SVOP: variants seen among roughly 807,000 people sequenced by gnomAD.
SVOP encodes the protein SV2 related protein, also known as synaptic vesicle 2-related protein.
In SVOP, 17 loss-of-function variants were observed where a neutral mutation model predicts 69.1. That is an observed-to-expected ratio of 0.25 (90% CI 0.17 to 0.37). SVOP has a LOEUF of 0.37. Ranked by LOEUF, SVOP falls within the 10% of genes least tolerant of loss-of-function variation. The pLI is 1.00. For synonymous variants in SVOP, 238 were observed against 238.6 expected (o/e 1.00, Z 0.02); for missense variants, 435 against 597.5 (o/e 0.73, Z 2.84).
At chr12:108,983,219 A>G (rs1341008814) in intron 2 of SVOP, among the ~76,000 whole-genome samples, 2 of 151,088 alleles carry the variant, frequency 1.3e-5, no homozygotes, top group African/African-American at 4.9e-5. Flanking sequence ...GATCATCACC[A>G]TCACCATAAT....
rs375842969 is a variant in SVOP at position 108,973,940 on chromosome 12, C to T, written c.382-1464G>A. Reference sequence around the variant, plus strand: ...TTTGCAAGTCATCTGGTTTCCAATACCTTTATTATTACTTTCAACAGAATT... The same window carrying T: ...TTTGCAAGTCATCTGGTTTCCAATATCTTTATTATTACTTTCAACAGAATT... On this transcript the variant is annotated intron_variant, in intron 4 of 15. Coordinates refer to ENST00000610966, the MANE Select transcript of SVOP (RefSeq NM_018711.5). 3.0e-4 allele frequency among the ~76,000 whole-genome samples: 45 copies of T among 152,286 alleles called. No homozygotes were observed. In the South Asian group the frequency reaches 8.9e-3, roughly 30 times the overall value.
In SVOP at chr12:108,938,960, G is replaced by T. The variant is rs1340473810; in HGVS notation, c.769-5C>A. The T allele has an allele frequency of 6.2e-7, 1 of 1,613,822 alleles. No homozygotes were observed. Among genetic ancestry groups the T allele is most frequent in the Non-Finnish European group, 8.5e-7 (1 of 1,179,850 alleles). On this transcript the variant is annotated splice_polypyrimidine_tract_variant and splice_region_variant and intron_variant, in intron 8 of 15. Transcript: ENST00000610966. ...CCTTGCACTTTCAGGCAGCCACTGG[G>T]ATGGGGGAGACAGGAAACCCAGGCG...
chr12:108,921,379 C>A (rs1216804563), intron 12 of SVOP, among the ~76,000 whole-genome samples: 1 of 152,128 alleles, frequency 6.6e-6, no homozygotes, highest in East Asian at 1.9e-4. Context: ...CAGAAGCAAA[C>A]CCTGAGACAA....
intron 6 of SVOP, among the ~76,000 whole-genome samples, chr12:108,958,034 T>C (rs991242770): frequency 1.3e-5 from 2 of 152,236 alleles, no homozygotes; most frequent in African/African-American, 4.8e-5. Flanking sequence ...ACAGACCACA[T>C]ATATGATGGT....
intron 1 of SVOP, among the ~76,000 whole-genome samples, chr12:109,019,781 G>T (rs888891581): frequency 2.0e-5 from 3 of 152,004 alleles, no homozygotes; most frequent in Admixed American, 1.3e-4. Context: ...TGATTGAAAA[G>T]TAAACATTAC....
intron 11 of SVOP, among the ~76,000 whole-genome samples, chr12:108,925,134 C>T (rs2039772525): frequency 6.6e-6 from 1 of 152,130 alleles, no homozygotes; most frequent in Admixed American, 6.5e-5. Flanking sequence ...ATGGATTGAC[C>T]TCTGATTTTG....
chr12:108,978,426 C>A (rs1440730664), intron 3 of SVOP, 152 bp downstream of exon 3: 4 of 577,826 alleles, frequency 6.9e-6, no homozygotes, highest in Admixed American at 6.2e-5. Flanking sequence ...TCGTTATCAC[C>A]ACTTATTACG....
intron 1 of SVOP, among the ~76,000 whole-genome samples, chr12:109,013,847 C>T (rs2040354866): frequency 6.6e-6 from 1 of 152,044 alleles, no homozygotes; most frequent in South Asian, 2.1e-4. Context: ...TTCCCTCTCC[C>T]CCCACCACCG....
intron 5 of SVOP, among the ~76,000 whole-genome samples, chr12:108,965,879 C>T (rs994476455): frequency 1.3e-5 from 2 of 151,946 alleles, no homozygotes; most frequent in Non-Finnish European, 2.9e-5. Flanking sequence ...AGATAGTGAC[C>T]GCTCCATACC....
Position 108,927,679 on chromosome 12 carries a change from A to C in SVOP, c.1049-4882T>G, listed in dbSNP as rs963749357. 1.0e-3 allele frequency among the ~76,000 whole-genome samples: 154 copies of C among 149,802 alleles called. 1 individual carries two copies. The highest frequency in any genetic ancestry group is 7.0e-3 in the Middle Eastern group (2 of 284). ...AGTGGCACAATCTTCGCTCACTGCA[A>C]CCCTCCACACCTGCAGGCTCAAGTG... On this transcript the variant is annotated intron_variant, in intron 11 of 15. Coordinates refer to ENST00000610966, the MANE Select transcript of SVOP (RefSeq NM_018711.5).
chr12:108,918,003 C>G (rs761950133), intron 14 of SVOP, 40 bp downstream of exon 14: 32 of 1,490,316 alleles, frequency 2.1e-5, no homozygotes, highest in East Asian at 4.9e-5. Context: ...ACTCTCCCCC[C>G]ACTGCCCGTT....
chr12:108,952,694 C>T (rs2039963002), intron 6 of SVOP, among the ~76,000 whole-genome samples: 1 of 152,028 alleles, frequency 6.6e-6, no homozygotes, highest in South Asian at 2.1e-4. Context: ...CCCATCTCAA[C>T]AAAAAATTTT....
intron 1 of SVOP, among the ~76,000 whole-genome samples, chr12:108,991,780 A>C (rs1043521437): frequency 4.6e-4 from 16 of 34,872 alleles, no homozygotes; most frequent in South Asian, 1.4e-3. Context: ...TCTACAAAAA[A>C]AAACAAAAAA....
chr12:108,986,185 C>T (rs745889093), intron 1 of SVOP, among the ~76,000 whole-genome samples: 18 of 152,146 alleles, frequency 1.2e-4, no homozygotes, highest in Non-Finnish European at 2.2e-4. Flanking sequence ...TCTGTGCACT[C>T]GATCTGCATA....
intron 1 of SVOP, among the ~76,000 whole-genome samples, chr12:109,010,118 T>G: frequency 7.4e-6 from 1 of 135,382 alleles, no homozygotes; most frequent in Admixed American, 7.3e-5. Context: ...AGAGAGACCC[T>G]CTCTCTCTCA....
At chr12:108,975,666 G>A (rs147082454) in intron 4 of SVOP, among the ~76,000 whole-genome samples, 101,540 of 151,652 alleles carry the variant, frequency 0.67, 34,473 homozygotes, top group East Asian at 0.79. Context: ...GACCAGAAAG[G>A]CCCTACATTG....
intron 6 of SVOP, among the ~76,000 whole-genome samples, chr12:108,957,254 C>T (rs1454838020): frequency 6.6e-6 from 1 of 152,140 alleles, no homozygotes; most frequent in Non-Finnish European, 1.5e-5. Context: ...AACTCCGCCT[C>T]CTGGGTTCAA....
At chr12:108,970,913 G>C (rs1286007192) in intron 5 of SVOP, among the ~76,000 whole-genome samples, 2 of 152,126 alleles carry the variant, frequency 1.3e-5, no homozygotes, top group African/African-American at 4.8e-5. Context: ...AGCTACTTGG[G>C]AGGCTCAGGT....
At chr12:108,965,148 A>G (rs2040037868) in intron 5 of SVOP, among the ~76,000 whole-genome samples, 1 of 152,242 alleles carries the variant, frequency 6.6e-6, no homozygotes, top group Admixed American at 6.5e-5. Flanking sequence ...ACTTCATGGA[A>G]CTTTCATTTG....
Sources: allele counts gnomAD v4.1 joint callset (sites outside exome capture counted in the v4.1 genomes callset), GRCh38; gene constraint gnomAD v4.1.1; transcripts MANE v1.5; gene names NCBI Gene and HGNC (gene_info 2026-07-23, HGNC 2026-07-21).